Variants in ASTN2 observed in about 807,000 individuals in gnomAD.
ASTN2 encodes astrotactin 2.
In ASTN2, 54 loss-of-function variants were observed where a neutral mutation model predicts 139.8. The observed-to-expected ratio is 0.39, with a 90% CI of 0.31 to 0.48. ASTN2 has a LOEUF of 0.48. ASTN2 is among the 20% of genes least tolerant of loss of function. ASTN2 has a pLI of 0.95. For missense variants in ASTN2, 1,565 were observed against 1,725.1 expected (o/e 0.91, Z 1.64); for synonymous variants, 756 against 719.5 (o/e 1.05, Z -0.81).
intron 19 of ASTN2, among the ~76,000 whole-genome samples, chr9:116,517,899 G>C (rs1248249951): frequency 6.6e-6 from 1 of 152,126 alleles, no homozygotes; most frequent in Non-Finnish European, 1.5e-5. Flanking sequence ...ACAAGTGGAA[G>C]AAAGAACTTC....
At chr9:116,805,559 C>T in intron 13 of ASTN2, 73 bp downstream of exon 13, 1 of 1,434,276 alleles carries the variant, frequency 7.0e-7, no homozygotes, top group South Asian at 1.3e-5. Flanking sequence ...CCATTGTGCC[C>T]ATGGCTTCCT....
At chr9:117,255,405 C>T (rs1833657011) in intron 2 of ASTN2, among the ~76,000 whole-genome samples, 1 of 152,158 alleles carries the variant, frequency 6.6e-6, no homozygotes. Flanking sequence ...CACACTGTTC[C>T]CTTGGGAGAT....
intron 20 of ASTN2, among the ~76,000 whole-genome samples, chr9:116,460,499 G>A (rs1436147694): frequency 6.6e-6 from 1 of 152,044 alleles, no homozygotes; most frequent in Non-Finnish European, 1.5e-5. Context: ...TTTATCTTTA[G>A]CTTTTTTATT....
rs1212091939 is a variant in ASTN2 at position 116,602,678 on chromosome 9, C to T, written c.3355+15646G>A. 2.0e-5 allele frequency among the ~76,000 whole-genome samples: 3 copies of T among 152,098 alleles called. No individual in the cohort carries two copies. In the East Asian group the frequency reaches 5.8e-4, roughly 29 times the overall value. On this transcript the variant is annotated intron_variant, in intron 19 of 22. Transcript: ENST00000313400. ...GTGTGGTGGCTCACATTTGTAATCC[C>T]AGCACTTTGGGAGGCCAAGGCAGGC...
At chr9:117,344,146 G>A (rs1319896960) in intron 1 of ASTN2, among the ~76,000 whole-genome samples, 4 of 151,786 alleles carry the variant, frequency 2.6e-5, no homozygotes, top group South Asian at 2.1e-4. Flanking sequence ...CCTGAAAAAC[G>A]ATGCCAGAAC....
At chr9:116,905,168 T>C (rs1214943210) in intron 10 of ASTN2, among the ~76,000 whole-genome samples, 1 of 140,464 alleles carries the variant, frequency 7.1e-6, no homozygotes, top group Non-Finnish European at 1.6e-5. Flanking sequence ...GGGCCGCGGG[T>C]GGGTGGGGAG....
chr9:116,632,252 G>GAAGGAAAGAAAGAAAGAAA (rs1856833378), intron 17 of ASTN2, among the ~76,000 whole-genome samples: 1 of 70,914 alleles, frequency 1.4e-5, no homozygotes, highest in Non-Finnish European at 2.5e-5. Context: ...AAAGAAAGAA[G>GAAGGAAAGAAAGAAAGAAA]GAAAGAAAGA....
chr9:116,923,628 A>C (rs1443140880), intron 10 of ASTN2, among the ~76,000 whole-genome samples: 2 of 152,188 alleles, frequency 1.3e-5, no homozygotes, highest in Non-Finnish European at 2.9e-5. Flanking sequence ...ACCCCTGGAG[A>C]TGGAGATTTC....
In ASTN2 at chr9:116,927,978, T is replaced by A; in HGVS notation, c.1889+47230A>T. On this transcript the variant is annotated intron_variant, in intron 10 of 22. Transcript: ENST00000313400. ...CCCTCCGTATACCCTTTCATGTGTATGCAACAACCCACAGTATCTCCTCCT... is the reference window on the plus strand; with the variant it reads ...CCCTCCGTATACCCTTTCATGTGTAAGCAACAACCCACAGTATCTCCTCCT... 2.6e-5 allele frequency among the ~76,000 whole-genome samples: 4 copies of A among 152,332 alleles called. No individual in the cohort carries two copies. In the Middle Eastern group the frequency reaches 0.01, roughly 389 times the overall value.
intron 4 of ASTN2, among the ~76,000 whole-genome samples, chr9:117,105,554 ATGACTCCC>A (rs1392699511): frequency 1.3e-5 from 2 of 152,158 alleles, no homozygotes; most frequent in African/African-American, 4.8e-5. Flanking sequence ...CTTTATCATT[ATGACTCCC>A]TGACTCCTGG....
chr9:117,362,652 C>G (rs1304545492), intron 1 of ASTN2, among the ~76,000 whole-genome samples: 2 of 152,100 alleles, frequency 1.3e-5, no homozygotes, highest in African/African-American at 4.8e-5. Flanking sequence ...AAGTCTGATT[C>G]CTTGTTTTGA....
At chr9:116,512,445 G>C (rs1037615749) in intron 19 of ASTN2, among the ~76,000 whole-genome samples, 2 of 152,178 alleles carry the variant, frequency 1.3e-5, no homozygotes, top group Admixed American at 6.5e-5. Flanking sequence ...TTTGGAATAA[G>C]TGCGATGTGG....
intron 1 of ASTN2, among the ~76,000 whole-genome samples, chr9:117,301,430 C>T (rs114677760): frequency 1.0e-3 from 155 of 152,238 alleles, no homozygotes; most frequent in Middle Eastern, 6.8e-3. Flanking sequence ...CATTCATTGT[C>T]GCATTTAGCC....
At chr9:116,610,945 G>A (rs1440253582) in intron 19 of ASTN2, 3 of 151,948 alleles carry the variant, frequency 2.0e-5, no homozygotes, top group East Asian at 1.9e-4. Flanking sequence ...ATAATTAACC[G>A]ATTTTATCTA....
chr9:116,822,111 G>A (rs1250997815), intron 11 of ASTN2, among the ~76,000 whole-genome samples: 1 of 151,176 alleles, frequency 6.6e-6, no homozygotes, highest in Non-Finnish European at 1.5e-5. Flanking sequence ...CCAACTCCCC[G>A]CTCCCCTTCC....
At chr9:116,701,881 T>G (rs1008072780) in intron 16 of ASTN2, among the ~76,000 whole-genome samples, 5 of 31,646 alleles carry the variant, frequency 1.6e-4, no homozygotes, top group African/African-American at 4.2e-4. Context: ...GTTTTTTGGG[T>G]TTTTTTTTTT....
intron 19 of ASTN2, among the ~76,000 whole-genome samples, chr9:116,541,203 A>G (rs901935775): frequency 2.0e-5 from 3 of 152,190 alleles, no homozygotes; most frequent in Admixed American, 6.5e-5. Context: ...AATTTTAAAC[A>G]TTTTTCTTAT....
chr9:116,496,526 G>A (rs2119120000), intron 19 of ASTN2, among the ~76,000 whole-genome samples: 1 of 152,224 alleles, frequency 6.6e-6, no homozygotes. Context: ...TACATGATGG[G>A]ACCTAATTCT....
chr9:116,856,888 G>A (rs563361384), intron 11 of ASTN2, among the ~76,000 whole-genome samples: 1 of 152,332 alleles, frequency 6.6e-6, no homozygotes, highest in African/African-American at 2.4e-5. Context: ...ACTGACCACA[G>A]AGGCTCCTCC....
Sources: gnomAD v4.1 joint callset for allele counts (sites outside exome capture counted in the v4.1 genomes callset) on GRCh38, gnomAD v4.1.1 for gene constraint, MANE v1.5 for transcripts, NCBI Gene and HGNC (gene_info 2026-07-23, HGNC 2026-07-21) for gene names.